The following BMPER variants were observed in gnomAD, a reference collection of about 807,000 sequenced individuals.
The protein encoded by BMPER is BMP-binding endothelial regulator protein.
Under a neutral mutation model 87.3 loss-of-function variants are expected in BMPER, and 45 were observed. The observed-to-expected ratio is 0.52, with a 90% CI of 0.41 to 0.66. BMPER has a LOEUF of 0.66. Among genes scored for constraint, BMPER ranks in the 30% least tolerant of loss-of-function variants. The pLI is 0.00. For synonymous variants in BMPER, 326 were observed against 316.2 expected (o/e 1.03, Z -0.33); for missense variants, 784 against 867.5 (o/e 0.90, Z 1.21).
chr7:34,066,067 T>C (rs1788580603), intron 11 of BMPER, among the ~76,000 whole-genome samples: 1 of 152,224 alleles, frequency 6.6e-6, no homozygotes, highest in African/African-American at 2.4e-5. Flanking sequence ...ATTTCTCCCT[T>C]ATTGCCTGGG....
chr7:34,027,381 T>C (rs1787385299), intron 6 of BMPER, among the ~76,000 whole-genome samples: 1 of 152,082 alleles, frequency 6.6e-6, no homozygotes, highest in African/African-American at 2.4e-5. Context: ...CTGTGTACTT[T>C]CAGTAGCAAA....
chr7:33,905,836 GT>G, intron 1 of BMPER, 90 bp downstream of exon 1: 5 of 1,182,282 alleles, frequency 4.2e-6, no homozygotes, highest in Non-Finnish European at 4.8e-6. Context: ...GGATGGGAGG[GT>G]GGGGAGCGCG....
intron 6 of BMPER, among the ~76,000 whole-genome samples, chr7:34,036,201 G>A (rs996545939): frequency 6.6e-6 from 1 of 152,178 alleles, no homozygotes; most frequent in Non-Finnish European, 1.5e-5. Context: ...CAGTAGGCTT[G>A]TAACAGCTTT....
At chr7:34,152,974 A>T (rs1398447517) in intron 14 of BMPER, 118 bp from the exon 15 acceptor site, 11 of 1,170,274 alleles carry the variant, frequency 9.4e-6, no homozygotes, top group Non-Finnish European at 1.4e-5. Context: ...TGCAAATGTG[A>T]TCCTGAGCTA....
intron 6 of BMPER, among the ~76,000 whole-genome samples, chr7:33,978,011 A>G (rs1056977076): frequency 6.6e-6 from 1 of 152,192 alleles, no homozygotes; most frequent in Non-Finnish European, 1.5e-5. Flanking sequence ...ACCAAGTGCT[A>G]TGGTCTGAAC....
At chr7:34,016,799 A>G (rs2127944244) in intron 6 of BMPER, among the ~76,000 whole-genome samples, 1 of 152,058 alleles carries the variant, frequency 6.6e-6, no homozygotes, top group East Asian at 1.9e-4. Context: ...CAACAGAAAA[A>G]ACCTTTTTTT....
At chr7:33,964,407 T>A (rs1785353613) in intron 3 of BMPER, among the ~76,000 whole-genome samples, 1 of 152,208 alleles carries the variant, frequency 6.6e-6, no homozygotes, top group African/African-American at 2.4e-5. Context: ...TGGACTCAGA[T>A]GTGATAGAAT....
intron 3 of BMPER, among the ~76,000 whole-genome samples, chr7:33,947,602 C>T (rs1429823753): frequency 6.6e-6 from 1 of 152,112 alleles, no homozygotes; most frequent in Non-Finnish European, 1.5e-5. Context: ...AATATTTGCA[C>T]ATCAATTTCC....
intron 6 of BMPER, among the ~76,000 whole-genome samples, chr7:34,016,190 A>C (rs1787022775): frequency 6.6e-6 from 1 of 151,926 alleles, no homozygotes; most frequent in Non-Finnish European, 1.5e-5. Flanking sequence ...CAGGAAAATA[A>C]TGCGATGTTT....
At chr7:33,963,637 T>C (rs1250717819) in intron 3 of BMPER, among the ~76,000 whole-genome samples, 2 of 151,798 alleles carry the variant, frequency 1.3e-5, no homozygotes, top group African/African-American at 4.8e-5. Flanking sequence ...CTACTAAAAA[T>C]ACAAAAATTA....
intron 7 of BMPER, among the ~76,000 whole-genome samples, chr7:34,046,608 C>G (rs1194799578): frequency 6.6e-6 from 1 of 152,212 alleles, no homozygotes; most frequent in East Asian, 1.9e-4. Flanking sequence ...AGGCTTCTCT[C>G]TTGTCCTCAC....
chr7:33,921,108 T>TTTATAAC (rs1468992478), intron 2 of BMPER, among the ~76,000 whole-genome samples: 3 of 152,206 alleles, frequency 2.0e-5, no homozygotes, highest in Non-Finnish European at 4.4e-5. Flanking sequence ...TAACCCTTAC[T>TTTATAAC]CCTCTCTCCT....
Position 33,956,552 on chromosome 7 carries a change from C to T in BMPER, c.320-9927C>T, listed in dbSNP as rs191841760. Among the ~76,000 whole-genome samples the T allele has an allele frequency of 2.6e-3, 396 of 152,246 alleles. 2 individuals are homozygous for T. Among genetic ancestry groups the T allele is most frequent in the Non-Finnish European group, 4.4e-3 (299 of 68,010 alleles). Reference sequence around the variant, plus strand: ...GTTATACCCAAGTGTCCCTGCCTCTCCTGTCTCCCCTTCCACCTCCTCTAC... The same window carrying T: ...GTTATACCCAAGTGTCCCTGCCTCTTCTGTCTCCCCTTCCACCTCCTCTAC... On this transcript the variant is annotated intron_variant, in intron 3 of 14. Coordinates refer to ENST00000649409, the MANE Select transcript of BMPER (RefSeq NM_001365308.1).
Position 33,955,454 on chromosome 7 carries a change from A to T in BMPER, c.320-11025A>T, listed in dbSNP as rs117465267. On this transcript the variant is annotated intron_variant, in intron 3 of 14. Transcript: ENST00000649409. ...AGACTTTCCAGCAAAGAGCCCAGGT[A>T]AAAGAGGTGGCAGATAGGAAGAAAA... 3.5e-3 allele frequency among the ~76,000 whole-genome samples: 539 copies of T among 152,254 alleles called. 7 individuals carry two copies. In the East Asian group the frequency reaches 0.069, roughly 20 times the overall value.
intron 6 of BMPER, among the ~76,000 whole-genome samples, chr7:34,006,647 A>T (rs774293779): frequency 2.0e-5 from 3 of 152,072 alleles, no homozygotes; most frequent in Non-Finnish European, 4.4e-5. Context: ...CAGTGGTTTG[A>T]CAGTTGAGCT....
intron 6 of BMPER, among the ~76,000 whole-genome samples, chr7:34,035,646 A>C (rs992774702): frequency 4.6e-5 from 7 of 152,192 alleles, no homozygotes; most frequent in South Asian, 2.1e-4. Context: ...AGTTATTTTC[A>C]GCTTTAACTG....
intron 13 of BMPER, among the ~76,000 whole-genome samples, chr7:34,125,360 AAT>A (rs1156826098): frequency 6.6e-6 from 1 of 152,144 alleles, no homozygotes; most frequent in Non-Finnish European, 1.5e-5. Context: ...AGTTTTCTCA[AAT>A]ATGCCCTCCC....
intron 6 of BMPER, among the ~76,000 whole-genome samples, chr7:34,017,755 C>G (rs908621891): frequency 6.6e-6 from 1 of 151,862 alleles, no homozygotes; most frequent in Non-Finnish European, 1.5e-5. Context: ...ATCTACACTT[C>G]AAGGAGTTCC....
intron 1 of BMPER, among the ~76,000 whole-genome samples, chr7:33,906,378 T>C (rs144366700): frequency 1.3e-5 from 2 of 152,302 alleles, no homozygotes; most frequent in African/African-American, 4.8e-5. Context: ...GCGAGACAGA[T>C]TCATAGAAAG....
Sources: gnomAD v4.1 joint callset for allele counts (sites outside exome capture counted in the v4.1 genomes callset) on GRCh38, gnomAD v4.1.1 for gene constraint, MANE v1.5 for transcripts, NCBI Gene and HGNC (gene_info 2026-07-23, HGNC 2026-07-21) for gene names.